The following FOXN4 variants were observed in gnomAD, a reference collection of about 807,000 sequenced individuals.
FOXN4 encodes forkhead box N4.
In FOXN4, 12 loss-of-function variants were observed where a neutral mutation model predicts 45.0. The observed-to-expected ratio is 0.27, with a 90% confidence interval of 0.17 to 0.43. FOXN4 has a LOEUF of 0.43. Among genes scored for constraint, FOXN4 ranks in the 20% least tolerant of loss-of-function variants. The pLI, the probability that FOXN4 is intolerant of heterozygous loss-of-function variation, is 1.00. For missense variants in FOXN4, 560 were observed against 694.9 expected (o/e 0.81, Z 2.18); for synonymous variants, 297 against 295.0 (o/e 1.01, Z -0.07).
chr12:109,287,801 G>T lies in FOXN4; in HGVS notation c.468+43C>A. ...GGGGTCCCCGGCCAGCCCAAGGCAGGGTGTCTGCTGCTCAGTCCAGGGCTC... is the reference window on the plus strand; with the variant it reads ...GGGGTCCCCGGCCAGCCCAAGGCAGTGTGTCTGCTGCTCAGTCCAGGGCTC... On this transcript the variant is annotated intron_variant, in intron 5 of 9. Transcript: ENST00000299162. This position sits in a 1 kb window ranked among gnomAD's most constrained non-coding sequence, Gnocchi z 4.1. 1 of 1,499,492 alleles carries T rather than the reference G, an allele frequency of 6.7e-7. No homozygotes were observed. The allele number at this position is 1,499,492 out of a possible 1,614,324, so 92.9% of individuals were successfully genotyped here.
In FOXN4 at chr12:109,281,639, C is replaced by G. The variant is rs1222525724; in HGVS notation, c.1062G>C (p.Leu354=). 6.2e-7 allele frequency: 1 copy of G among 1,611,040 alleles called. No individual in the cohort carries two copies. The highest frequency in any genetic ancestry group is 8.5e-7 in the Non-Finnish European group (1 of 1,178,686). The part of the protein sequence containing the change: ...SQLPPQPLMT[L]SLQSVPLHHQ... ...GGTGCAGGGGGACTGACTGCAGGGA[C>G]AGGGTCATCAGTGGCTGGGGTGGGA... Residue 354 remains leucine (L), a synonymous_variant, in exon 9 of 10, where the codon CTG becomes CTC. Transcript: ENST00000299162.
intron 7 of FOXN4, 131 bp downstream of exon 7, chr12:109,286,515 CAT>C (rs2047711715): frequency 3.7e-6 from 3 of 805,164 alleles, no homozygotes; most frequent in African/African-American, 3.4e-5. Context: ...TGTGTGTGCA[CAT>C]GTCCTAACCA....
At position 109,281,545 on chromosome 12, in the gene FOXN4, C is replaced by A; in HGVS notation, c.1156G>T (p.Ala386Ser). Residue 386 changes from alanine (A) to serine (S), a missense_variant, in exon 9 of 10, where the codon GCC becomes TCC. Coordinates refer to ENST00000299162, the MANE Select transcript of FOXN4 (RefSeq NM_213596.3). ...PAPAQTPPLH[A>S]LPDLSPSPLP... ...GGGCTGGGGCTGAGGTCCGGCAGGG[C>A]GTGCAGTGGCGGGGTCTGGGCTGGT... 1 of 1,612,350 alleles carries A rather than the reference C, an allele frequency of 6.2e-7. No individual in the cohort carries two copies. The highest frequency in any genetic ancestry group is 8.5e-7 in the Non-Finnish European group (1 of 1,179,218).
chr12:109,289,033 G>T (rs1365850845), intron 3 of FOXN4, among the ~76,000 whole-genome samples: 1 of 152,220 alleles, frequency 6.6e-6, no homozygotes, highest in African/African-American at 2.4e-5. Flanking sequence ...AGCCACAGTG[G>T]GGAAAGAAGA....
At chr12:109,304,221 GAGAAAGAAAGAAAGAAAGAA>G (rs58280775) in intron 2 of FOXN4, among the ~76,000 whole-genome samples, 3,092 of 82,472 alleles carry the variant, frequency 0.037, 84 homozygotes, top group Non-Finnish European at 0.046. Flanking sequence ...AGAAAAGAAA[GAGAAAGAAAGAAAGAAAGAA>G]AGAAAGAAAG....
intron 2 of FOXN4, among the ~76,000 whole-genome samples, chr12:109,305,548 T>C (rs1335322780): frequency 6.6e-6 from 1 of 152,002 alleles, no homozygotes; most frequent in South Asian, 2.1e-4. Context: ...CTGACCAACA[T>C]GGCAAAACTC....
Position 109,291,662 on chromosome 12 carries a change from TGCTCAGTTGTC to T in FOXN4, c.87-1387_87-1377del, listed in dbSNP as rs1280058247. On this transcript the variant is annotated intron_variant, in intron 2 of 9. Transcript: ENST00000299162. The surrounding 1 kb of genome is among the most constrained non-coding windows in gnomAD (Gnocchi z 6.6). ...ACAATTAGCGTTGCCATGGCCACAC[TGCTCAGTTGTC>T]GCAGGGCCGGGCCCTGGGCCCACAA... is the stretch of plus-strand genomic sequence containing the variant. Among the ~76,000 whole-genome samples the T allele has an allele frequency of 6.6e-6, 1 of 152,066 alleles. No individual in the cohort carries two copies. Among genetic ancestry groups the T allele is most frequent in the Non-Finnish European group, 1.5e-5 (1 of 67,990 alleles).
rs759482029 is a variant in FOXN4 at position 109,287,980 on chromosome 12, A to G, written c.358-26T>C. The G allele has an allele frequency of 1.3e-6, 2 of 1,549,642 alleles. No individual in the cohort carries two copies. The highest frequency in any genetic ancestry group is 1.7e-6 in the Non-Finnish European group (2 of 1,146,840). ...CTGCTGGGCAGGAAGAGGAGGAGAC[A>G]GAGGGTCACGGTGGGGGTAGACACC... On this transcript the variant is annotated intron_variant, in intron 4 of 9. Coordinates refer to ENST00000299162, the MANE Select transcript of FOXN4 (RefSeq NM_213596.3). This position sits in a 1 kb window ranked among gnomAD's most constrained non-coding sequence, Gnocchi z 4.1.
Position 109,308,315 on chromosome 12 carries a change from C to G in FOXN4, c.7G>C (p.Glu3Gln). 1 of 1,551,364 alleles carries G rather than the reference C, an allele frequency of 6.4e-7. No homozygotes were observed. Among genetic ancestry groups the G allele is most frequent in the Non-Finnish European group, 8.7e-7 (1 of 1,146,650 alleles). Residue 3 changes from glutamate (E) to glutamine (Q), a missense_variant, in exon 2 of 10, where the codon GAA becomes CAA. Around this residue, in one of 5 missense-constraint regions of FOXN4, gnomAD observed 142 missense variants for 185.7 expected, o/e 0.76. Transcript: ENST00000299162. ...GACATTATGGATGAGGTGTCACTTT[C>G]TATCATCTCCTTGGGAAAAGACAAG... is the stretch of plus-strand genomic sequence containing the variant. MIESDTSSIMSGI... is the reference protein window; with the variant it reads MIQSDTSSIMSGI...
chr12:109,285,333 G>A lies in FOXN4; in HGVS notation c.872C>T (p.Ala291Val). ...EMHKWKRKDL[A>V]AIHRSMANPE... The stretch of plus-strand genomic sequence containing the variant: ...GTTGGCCATACTCCGGTGGATGGCA[G>A]CCAGGTCCTTCCTCTTCCACTTGTG... Residue 291 changes from alanine to valine, a missense_variant, in exon 8 of 10, where the codon GCT becomes GTT. Physicochemically the swap from Ala to Val is moderately conservative, Grantham distance 64. This residue lies in a region of FOXN4 where 315 missense variants were observed against 350.5 expected (regional missense o/e 0.90). Coordinates refer to ENST00000299162, the MANE Select transcript of FOXN4 (RefSeq NM_213596.3). 4 of 1,612,754 alleles carry A rather than the reference G, an allele frequency of 2.5e-6. No individual in the cohort carries two copies. Among genetic ancestry groups the A allele is most frequent in the Non-Finnish European group, 3.4e-6 (4 of 1,179,566 alleles).
At chr12:109,303,572 G>A (rs760438617) in intron 2 of FOXN4, among the ~76,000 whole-genome samples, 160 of 152,308 alleles carry the variant, frequency 1.1e-3, no homozygotes, top group Admixed American at 2.3e-3. Context: ...CCCTAAGGTC[G>A]CCTCATTTCT....
rs1279662823 is a variant in FOXN4, at chr12:109,290,037, A to T, written c.232+104T>A. On this transcript the variant is annotated intron_variant, in intron 3 of 9. Transcript: ENST00000299162. The surrounding 1 kb of genome is among the most constrained non-coding windows in gnomAD (Gnocchi z 5.1). ...GATGCAGAAAGAGAGGCCCAGAGAG[A>T]CTGGGAGACCGGGTCATGGCTGCAC... 1 of 1,309,654 alleles carries T rather than the reference A, an allele frequency of 7.6e-7. No individual in the cohort carries two copies. The highest frequency in any genetic ancestry group is 3.2e-5 in the Admixed American group (1 of 31,192). The allele number at this position is 1,309,654 out of a possible 1,614,324, so 81.1% of individuals were successfully genotyped here.
At chr12:109,300,167 C>T (rs1805365646) in intron 2 of FOXN4, among the ~76,000 whole-genome samples, 2 of 152,174 alleles carry the variant, frequency 1.3e-5, no homozygotes, top group South Asian at 4.1e-4. Context: ...GAGAAGTAGA[C>T]CCCGTGAAGA....
rs1235554763 is a variant in FOXN4 at position 109,278,070 on chromosome 12, T to G, written c.*1601A>C. The G allele has an allele frequency of 1.3e-5, 2 of 152,198 alleles. No individual in the cohort carries two copies. Among genetic ancestry groups the G allele is most frequent in the African/African-American group, 4.8e-5 (2 of 41,428 alleles). 9.4% of individuals were successfully genotyped at this position (152,198 alleles called of 1,614,324 possible). A position where few individuals can be genotyped will look rare whatever the true frequency, so the allele number is the denominator to read the frequency against. On this transcript the variant is annotated 3_prime_UTR_variant, in exon 10 of 10. Transcript: ENST00000299162. Reference sequence around the variant, plus strand: ...AACACGGAGTCTTTGTGAATAACAGTTTCAACATCTTATCAGGGGTCATGT... The same window carrying G: ...AACACGGAGTCTTTGTGAATAACAGGTTCAACATCTTATCAGGGGTCATGT...
Position 109,287,005 on chromosome 12 carries a change from A to G in FOXN4, c.597-261T>C, listed in dbSNP as rs1370697541. On this transcript the variant is annotated intron_variant, in intron 6 of 9. Transcript: ENST00000299162. This position sits in a 1 kb window ranked among gnomAD's most constrained non-coding sequence, Gnocchi z 4.1. ...CCTTTCCCCTCTTTATTGCATCCCC[A>G]TAATTTTAATGGCTATGAGCCTTCA... 1 of 888,424 alleles carries G rather than the reference A, an allele frequency of 1.1e-6. No homozygotes were observed. The highest frequency in any genetic ancestry group is 1.7e-5 in the African/African-American group (1 of 58,514). 55.0% of individuals were successfully genotyped at this position (888,424 alleles called of 1,614,324 possible). A position where few individuals can be genotyped will look rare whatever the true frequency, so the allele number is the denominator to read the frequency against.
At chr12:109,294,719 C>A (rs1325241560) in intron 2 of FOXN4, among the ~76,000 whole-genome samples, 1 of 152,102 alleles carries the variant, frequency 6.6e-6, no homozygotes, top group East Asian at 1.9e-4. Flanking sequence ...ATGGCAAGGT[C>A]CAGGGGCTGA....
rs980873016 is a variant in FOXN4, at chr12:109,288,754, T to C, written c.233-574A>G. Among the ~76,000 whole-genome samples the C allele has an allele frequency of 6.6e-6, 1 of 152,226 alleles. No homozygotes were observed. The highest frequency in any genetic ancestry group is 6.5e-5 in the Admixed American group (1 of 15,280). On this transcript the variant is annotated intron_variant, in intron 3 of 9. Coordinates refer to ENST00000299162, the MANE Select transcript of FOXN4 (RefSeq NM_213596.3). The surrounding 1 kb of genome is among the most constrained non-coding windows in gnomAD (Gnocchi z 4.3). ...GACATTGCTAATCTATCACAGATTC[T>C]TACTGCTCTAGCCTGATTTTAGGCA... is the stretch of plus-strand genomic sequence containing the variant.
chr12:109,286,529 C>T, intron 7 of FOXN4, 119 bp downstream of exon 7: 1 of 916,178 alleles, frequency 1.1e-6, no homozygotes, highest in Non-Finnish European at 1.7e-6. Context: ...TCCTAACCAC[C>T]AGATGTACAG....
chr12:109,285,274 T>C (rs10774644), intron 8 of FOXN4, 30 bp downstream of exon 8: 687,455 of 1,537,480 alleles, frequency 0.45, 156,628 homozygotes, highest in East Asian at 0.55. Flanking sequence ...TGTGTGTGTG[T>C]GCGCGCACTG....
Sources: allele counts gnomAD v4.1 joint callset (sites outside exome capture counted in the v4.1 genomes callset), GRCh38; gene constraint gnomAD v4.1.1; regional missense constraint gnomAD v4.1.1; non-coding constraint Gnocchi (gnomAD v3.1); transcripts MANE v1.5; gene names NCBI Gene and HGNC (gene_info 2026-07-23, HGNC 2026-07-21).